The following CACNA1A variants were observed in gnomAD, a reference collection of about 807,000 sequenced individuals.
CACNA1A encodes the protein voltage-dependent P/Q-type calcium channel subunit alpha-1A.
Under a neutral mutation model 262.4 loss-of-function variants are expected in CACNA1A, and 57 were observed. That is an observed-to-expected ratio of 0.22 (90% CI 0.18 to 0.27). CACNA1A has a LOEUF of 0.27. Among genes scored for constraint, CACNA1A ranks in the 10% least tolerant of loss-of-function variants. The pLI, the probability that CACNA1A is intolerant of heterozygous loss-of-function variation, is 1.00. For synonymous variants in CACNA1A, 1,431 were observed against 1,419.3 expected (o/e 1.01, Z -0.18); for missense variants, 2,526 against 3,562.8 (o/e 0.71, Z 7.41).
chr19:13,428,575 TCTC>T (rs1216894801), intron 3 of CACNA1A, among the ~76,000 whole-genome samples: 8 of 152,132 alleles, frequency 5.3e-5, no homozygotes, highest in Non-Finnish European at 7.4e-5. Context: ...ACACGGATCA[TCTC>T]CTCGCATCCT....
At position 13,206,712 on chromosome 19, in the gene CACNA1A, G is replaced by A. The variant is rs1296403320; in HGVS notation, c.*601C>T. 4 of 153,984 alleles carry A rather than the reference G, an allele frequency of 2.6e-5. No individual in the cohort carries two copies. The highest frequency in any genetic ancestry group is 9.7e-5 in the African/African-American group (4 of 41,362). The allele number at this position is 153,984 out of a possible 1,614,324, so 9.5% of individuals were successfully genotyped here. A position where few individuals can be genotyped will look rare whatever the true frequency, so the allele number is the denominator to read the frequency against. ...TTTTTTAAATTGATTTCTGCAGGCAGTAATAGTAGGGTTTGGTATAACCGG... is the reference window on the plus strand; with the variant it reads ...TTTTTTAAATTGATTTCTGCAGGCAATAATAGTAGGGTTTGGTATAACCGG... On this transcript the variant is annotated 3_prime_UTR_variant, in exon 47 of 47. Coordinates refer to ENST00000360228, the MANE Select transcript of CACNA1A (RefSeq NM_001127222.2).
chr19:13,451,680 TC>T, intron 3 of CACNA1A: 2 of 152,158 alleles, frequency 1.3e-5, no homozygotes, highest in Non-Finnish European at 2.9e-5. Flanking sequence ...CCTTCCAAAC[TC>T]ATAAACCTTT....
At position 13,284,959 on chromosome 19, in the gene CACNA1A, C is replaced by T. The variant is rs960635271; in HGVS notation, c.3692+109G>A. ...ATTTTCAACTTGTTCAAAGGTATCC[C>T]TGGACTCATGGTGGTCAACACTCAC... On this transcript the variant is annotated intron_variant, in intron 21 of 46. Transcript: ENST00000360228. 4.7e-6 allele frequency: 5 copies of T among 1,053,548 alleles called. No individual in the cohort carries two copies. In the African/African-American group the frequency reaches 7.9e-5, roughly 17 times the overall value. The allele number at this position is 1,053,548 out of a possible 1,614,324, so 65.3% of individuals were successfully genotyped here.
chr19:13,270,508 C>G (rs2056991524), intron 24 of CACNA1A, among the ~76,000 whole-genome samples: 1 of 152,176 alleles, frequency 6.6e-6, no homozygotes, highest in Non-Finnish European at 1.5e-5. Context: ...CAAGGAAAGA[C>G]AATAAGCAAA....
intron 6 of CACNA1A, among the ~76,000 whole-genome samples, chr19:13,336,594 G>GGAGAGAGAGGGAGAGAGAGGGA (rs1555768093): frequency 1.5e-4 from 10 of 65,506 alleles, no homozygotes; most frequent in Middle Eastern, 0.011. Flanking sequence ...AGAGAGAGAG[G>GGAGAGAGAGGGAGAGAGAGGGA]GAGAGAGAGA....
chr19:13,295,536 G>C (rs1418851190), intron 19 of CACNA1A, among the ~76,000 whole-genome samples: 1 of 150,256 alleles, frequency 6.7e-6, no homozygotes, highest in Non-Finnish European at 1.5e-5. Context: ...CTGTTGCCCA[G>C]GTTGGAATGC....
At chr19:13,416,037 C>T (rs193273153) in intron 3 of CACNA1A, among the ~76,000 whole-genome samples, 2 of 152,128 alleles carry the variant, frequency 1.3e-5, no homozygotes, top group Non-Finnish European at 2.9e-5. Flanking sequence ...TGATAGCCAC[C>T]ACCCACAAGG....
At chr19:13,233,980 G>A (rs939410193) in intron 34 of CACNA1A, among the ~76,000 whole-genome samples, 3 of 150,186 alleles carry the variant, frequency 2.0e-5, no homozygotes, top group Admixed American at 1.3e-4. Flanking sequence ...ACCTCCACAA[G>A]AGGAGCTTGC....
rs34764555 is a variant in CACNA1A at position 13,262,293 on chromosome 19, A to AAT, written c.4089+439_4089+440dup. 8.4e-3 allele frequency: 1,330 copies of AAT among 158,048 alleles called. 12 individuals are homozygous for AAT. The highest frequency in any genetic ancestry group is 0.015 in the Non-Finnish European group (1,099 of 71,368). The allele number at this position is 158,048 out of a possible 1,614,324, so 9.8% of individuals were successfully genotyped here. A position where few individuals can be genotyped will look rare whatever the true frequency, so the allele number is the denominator to read the frequency against. On this transcript the variant is annotated intron_variant, in intron 25 of 46. Transcript: ENST00000360228. ...CTAATGACTGGATTTTATTTCCCTTAATATATATATATGTTTTTGAATGAC... is the reference window on the plus strand; with the variant it reads ...CTAATGACTGGATTTTATTTCCCTTAATATATATATATATGTTTTTGAATGAC...
At chr19:13,393,327 CA>C (rs1249375261) in intron 3 of CACNA1A, among the ~76,000 whole-genome samples, 1 of 152,212 alleles carries the variant, frequency 6.6e-6, no homozygotes, top group East Asian at 1.9e-4. Flanking sequence ...ATGAATCTCA[CA>C]CATACAACGT....
chr19:13,506,116 G>A lies in CACNA1A; in HGVS notation c.109C>T (p.Arg37Trp), dbSNP rs780987148. ...SGGGRGAGGS[R>W]QGGQPGAQRM... Reference sequence around the variant, plus strand: ...TGCGCCCCGGGCTGCCCGCCCTGCCGGCTGCCCCCGGCTCCTCGCCCGCCT... The same window carrying A: ...TGCGCCCCGGGCTGCCCGCCCTGCCAGCTGCCCCCGGCTCCTCGCCCGCCT... The change falls in exon 1 of 47, where the codon CGG becomes TGG. Residue 37 changes from arginine to tryptophan, a missense_variant. Physicochemically the swap from Arg to Trp is moderately radical, Grantham distance 101. Transcript: ENST00000360228. 4 of 1,608,694 alleles carry A rather than the reference G, an allele frequency of 2.5e-6. No homozygotes were observed. The highest frequency in any genetic ancestry group is 4.5e-5 in the East Asian group (2 of 44,648).
chr19:13,353,876 C>T (rs2058958149), intron 6 of CACNA1A, among the ~76,000 whole-genome samples: 1 of 152,140 alleles, frequency 6.6e-6, no homozygotes, highest in African/African-American at 2.4e-5. Context: ...CTGACCTAGA[C>T]TAAGGAACCA....
chr19:13,302,905 G>A (rs560113941), intron 17 of CACNA1A, among the ~76,000 whole-genome samples: 1 of 152,334 alleles, frequency 6.6e-6, no homozygotes, highest in South Asian at 2.1e-4. Context: ...CACTGGAGGT[G>A]GGGCTGCAAT....
At chr19:13,367,928 C>G (rs115119947) in intron 4 of CACNA1A, among the ~76,000 whole-genome samples, 2,137 of 152,210 alleles carry the variant, frequency 0.014, 42 homozygotes, top group African/African-American at 0.049. Context: ...TTACTCTGGG[C>G]TTCAAATCCT....
At chr19:13,394,671 C>T (rs1445192705) in intron 3 of CACNA1A, among the ~76,000 whole-genome samples, 4 of 152,300 alleles carry the variant, frequency 2.6e-5, no homozygotes, top group Admixed American at 6.5e-5. Context: ...TTCACAGCAT[C>T]GTCACTGTGG....
intron 10 of CACNA1A, among the ~76,000 whole-genome samples, chr19:13,327,121 T>A (rs540762169): frequency 6.6e-6 from 1 of 152,090 alleles, no homozygotes; most frequent in East Asian, 1.9e-4. Flanking sequence ...CCTCAAACGA[T>A]CCTCCCACCT....
intron 19 of CACNA1A, among the ~76,000 whole-genome samples, chr19:13,291,267 C>T (rs532838727): frequency 2.6e-5 from 4 of 152,174 alleles, no homozygotes; most frequent in South Asian, 2.1e-4. Flanking sequence ...ACCCTGAGAT[C>T]GGATTATGTG....
At position 13,207,392 on chromosome 19, in the gene CACNA1A, C is replaced by A; in HGVS notation, c.7442G>T (p.Gly2481Val). 6.5e-7 allele frequency: 1 copy of A among 1,540,594 alleles called. No homozygotes were observed. The highest frequency in any genetic ancestry group is 1.2e-5 in the South Asian group (1 of 85,176). Residue 2481 changes from glycine (G) to valine (V), a missense_variant, in exon 47 of 47, where the codon GGA (glycine) becomes GTA (valine). Around this residue, in one of 17 missense-constraint regions of CACNA1A, gnomAD observed 929 missense variants for 868.1 expected, o/e 1.07. Coordinates refer to ENST00000360228, the MANE Select transcript of CACNA1A (RefSeq NM_001127222.2). This position sits in a 1 kb window ranked among gnomAD's most constrained non-coding sequence, Gnocchi z 5.7. ...GCCCGGCCCGCGGGGCCTGGCCAGT[C>A]CGTGCGCCGGGTAGTAGCCGTTGGG... ...RLPNGYYPAHGLARPRGPGSR... is the reference protein window; with the variant it reads ...RLPNGYYPAHVLARPRGPGSR...
At chr19:13,453,102 C>G in intron 2 of CACNA1A, 87 bp from the exon 3 acceptor site, 1 of 1,366,006 alleles carries the variant, frequency 7.3e-7, no homozygotes, top group Non-Finnish European at 1.0e-6. Context: ...AAATCAGTAC[C>G]TATCACCCTC....
Sources: allele counts gnomAD v4.1 joint callset (sites outside exome capture counted in the v4.1 genomes callset), GRCh38; gene constraint gnomAD v4.1.1; regional missense constraint gnomAD v4.1.1; non-coding constraint Gnocchi (gnomAD v3.1); transcripts MANE v1.5; gene names NCBI Gene and HGNC (gene_info 2026-07-23, HGNC 2026-07-21).